Variants in B3GLCT observed in about 807,000 individuals in gnomAD.
B3GLCT encodes beta-1,3-glucosyltransferase.
A neutral mutation model predicts 63.4 loss-of-function variants in B3GLCT; 65 were observed. The ratio of observed to expected loss-of-function variants is 1.03; its 90% CI spans 0.84 to 1.26. B3GLCT has a LOEUF of 1.26. B3GLCT is among the 50% of genes most tolerant of loss of function. The pLI, the probability that B3GLCT is intolerant of heterozygous loss-of-function variation, is 0.00. For synonymous variants in B3GLCT, 233 were observed against 219.2 expected (o/e 1.06, Z -0.55); for missense variants, 577 against 604.8 (o/e 0.95, Z 0.48).
intron 2 of B3GLCT, among the ~76,000 whole-genome samples, chr13:31,221,019 G>A (rs1869783136): frequency 6.6e-6 from 1 of 152,196 alleles, no homozygotes; most frequent in African/African-American, 2.4e-5. Flanking sequence ...AGGAAGGCTG[G>A]GCAGGCGTTA....
intron 2 of B3GLCT, among the ~76,000 whole-genome samples, chr13:31,216,309 G>A (rs550763960): frequency 6.6e-6 from 1 of 152,260 alleles, no homozygotes; most frequent in South Asian, 2.1e-4. Flanking sequence ...ATTTGTTAAA[G>A]CAAATATTCC....
At chr13:31,314,058 G>T (rs1412927560) in intron 12 of B3GLCT, among the ~76,000 whole-genome samples, 2 of 152,192 alleles carry the variant, frequency 1.3e-5, no homozygotes, top group African/African-American at 4.8e-5. Flanking sequence ...CAGAAGTTAA[G>T]AATTAAGGTT....
intron 1 of B3GLCT, among the ~76,000 whole-genome samples, chr13:31,209,762 T>C (rs2137736114): frequency 6.6e-6 from 1 of 152,348 alleles, no homozygotes; most frequent in Admixed American, 6.5e-5. Context: ...GCCAAAAGTT[T>C]AGGCATTATC....
At chr13:31,320,823 C>T (rs1593320650) in intron 13 of B3GLCT, among the ~76,000 whole-genome samples, 1 of 152,204 alleles carries the variant, frequency 6.6e-6, no homozygotes, top group African/African-American at 2.4e-5. Flanking sequence ...ACGACATTCG[C>T]TGGTCTCTGC....
At chr13:31,312,191 A>G (rs1218219010) in intron 12 of B3GLCT, 1 of 152,196 alleles carries the variant, frequency 6.6e-6, no homozygotes, top group Non-Finnish European at 1.5e-5. Context: ...TATGGTGAGG[A>G]CTGAAAATGG....
At chr13:31,257,634 A>G (rs1478821992) in intron 6 of B3GLCT, among the ~76,000 whole-genome samples, 1 of 151,956 alleles carries the variant, frequency 6.6e-6, no homozygotes, top group Non-Finnish European at 1.5e-5. Context: ...CCACAAGCAG[A>G]ATAAGGCTCT....
At chr13:31,215,603 G>C (rs151094538) in intron 2 of B3GLCT, among the ~76,000 whole-genome samples, 1 of 151,986 alleles carries the variant, frequency 6.6e-6, no homozygotes, top group Non-Finnish European at 1.5e-5. Context: ...TAGTGGAGAC[G>C]GGGTTTCATC....
chr13:31,284,489 G>A (rs1250586577), intron 10 of B3GLCT, among the ~76,000 whole-genome samples, 159 bp from the exon 11 acceptor site: 2 of 152,160 alleles, frequency 1.3e-5, no homozygotes, highest in South Asian at 2.1e-4. Flanking sequence ...AGTCAACAAC[G>A]TTGGCATTTC....
intron 12 of B3GLCT, among the ~76,000 whole-genome samples, chr13:31,313,315 G>T (rs1874820147): frequency 6.6e-6 from 1 of 152,232 alleles, no homozygotes; most frequent in Non-Finnish European, 1.5e-5. Context: ...AGAGGAAAAT[G>T]TGGGAAAGTT....
chr13:31,254,716 C>T (rs1009703519), intron 6 of B3GLCT, among the ~76,000 whole-genome samples: 1 of 152,090 alleles, frequency 6.6e-6, no homozygotes, highest in Non-Finnish European at 1.5e-5. Flanking sequence ...AAGAGGAAGT[C>T]AAATTGTCTC....
chr13:31,241,817 A>G (rs1455526209), intron 4 of B3GLCT, among the ~76,000 whole-genome samples: 1 of 152,202 alleles, frequency 6.6e-6, no homozygotes, highest in Non-Finnish European at 1.5e-5. Flanking sequence ...TGGATGAAGA[A>G]AAGAGGATGA....
At chr13:31,253,030 A>G (rs1047919217) in intron 6 of B3GLCT, among the ~76,000 whole-genome samples, 3 of 152,232 alleles carry the variant, frequency 2.0e-5, no homozygotes, top group African/African-American at 7.2e-5. Context: ...CCACAGTGCA[A>G]TCAAATTAGA....
intron 12 of B3GLCT, among the ~76,000 whole-genome samples, chr13:31,295,003 C>T (rs375002385): frequency 1.5e-3 from 121 of 78,448 alleles, no homozygotes; most frequent in African/African-American, 3.8e-3. Context: ...TTTGTGTGGA[C>T]GTCCTTTTTT....
At chr13:31,241,851 G>C (rs916603342) in intron 4 of B3GLCT, among the ~76,000 whole-genome samples, 2 of 152,118 alleles carry the variant, frequency 1.3e-5, no homozygotes, top group African/African-American at 4.8e-5. Context: ...AAGATGATGA[G>C]TTCATTTTTG....
chr13:31,262,036 T>C (rs1872056174), intron 7 of B3GLCT, among the ~76,000 whole-genome samples: 1 of 152,186 alleles, frequency 6.6e-6, no homozygotes, highest in Admixed American at 6.5e-5. Context: ...ACAATTATTT[T>C]TGGGAACTGA....
At chr13:31,285,714 A>G (rs945941470) in intron 11 of B3GLCT, among the ~76,000 whole-genome samples, 6 of 151,958 alleles carry the variant, frequency 3.9e-5, no homozygotes, top group South Asian at 2.1e-4. Context: ...ATATAGTACA[A>G]TGCAGAATCA....
chr13:31,282,644 T>G (rs1425206539), intron 10 of B3GLCT, among the ~76,000 whole-genome samples: 1 of 56,746 alleles, frequency 1.8e-5, no homozygotes, highest in Non-Finnish European at 4.2e-5. Context: ...AGTGAGACTC[T>G]GTCTCAAAAA....
At chr13:31,209,624 A>G (rs1364753448) in intron 1 of B3GLCT, among the ~76,000 whole-genome samples, 1 of 151,976 alleles carries the variant, frequency 6.6e-6, no homozygotes, top group Non-Finnish European at 1.5e-5. Context: ...ACCGGGTTTT[A>G]TGCTCTCCTG....
rs891564309 is a variant in B3GLCT, at chr13:31,257,265, A to T, written c.460-3681A>T. 2.0e-5 allele frequency among the ~76,000 whole-genome samples: 3 copies of T among 152,162 alleles called. No homozygotes were observed. In the South Asian group the frequency reaches 6.2e-4, roughly 32 times the overall value. On this transcript the variant is annotated intron_variant, in intron 6 of 14. Transcript: ENST00000343307. Reference sequence around the variant, plus strand: ...AAGACAGTTTTCAAAATATACTGAGATGTTTATTTTCTTTATACAAGCTAT... The same window carrying T: ...AAGACAGTTTTCAAAATATACTGAGTTGTTTATTTTCTTTATACAAGCTAT...
Sources: gnomAD v4.1 joint callset for allele counts (sites outside exome capture counted in the v4.1 genomes callset) on GRCh38, gnomAD v4.1.1 for gene constraint, MANE v1.5 for transcripts, NCBI Gene and HGNC (gene_info 2026-07-23, HGNC 2026-07-21) for gene names.